CEP57: variants seen among roughly 807,000 people sequenced by gnomAD.
CEP57 encodes the protein centrosomal protein 57.
A neutral mutation model predicts 68.0 loss-of-function variants in CEP57; 40 were observed. That is an observed-to-expected ratio of 0.59 (90% CI 0.46 to 0.77). CEP57 has a LOEUF of 0.77. Ranked by LOEUF, CEP57 falls within the 30% of genes least tolerant of loss-of-function variation. CEP57 has a pLI of 0.00. For missense variants in CEP57, 606 were observed against 580.7 expected (o/e 1.04, Z -0.45); for synonymous variants, 219 against 198.7 (o/e 1.10, Z -0.86).
At chr11:95,825,751 A>G (rs1057109932) in intron 8 of CEP57, 1 of 151,938 alleles carries the variant, frequency 6.6e-6, no homozygotes, top group African/African-American at 2.4e-5. Flanking sequence ...ACGCGCCACC[A>G]TGCCTGGCTA....
chr11:95,827,076 A>G (rs1052867067), intron 8 of CEP57: 3 of 152,240 alleles, frequency 2.0e-5, no homozygotes, highest in Non-Finnish European at 1.5e-5. Context: ...ATGCTTTCTA[A>G]TAATATTTAT....
At position 95,812,915 on chromosome 11, in the gene CEP57, GTGTT is replaced by G. The variant is rs1404601753; in HGVS notation, c.203-13_203-10del. Reference sequence around the variant, plus strand: ...ATATGCTGTTACAGCATCCACGTTTGTGTTTGTATTTGGCAGCCATATTTTCTGC... The same window carrying G: ...ATATGCTGTTACAGCATCCACGTTTGTGTATTTGGCAGCCATATTTTCTGC... On this transcript the variant is annotated splice_polypyrimidine_tract_variant and intron_variant, in intron 2 of 10. Transcript: ENST00000325542. 6.2e-7 allele frequency: 1 copy of G among 1,612,416 alleles called. No homozygotes were observed. Among genetic ancestry groups the G allele is most frequent in the Non-Finnish European group, 8.5e-7 (1 of 1,178,910 alleles).
At chr11:95,792,405 G>C (rs1386459462) in intron 1 of CEP57, among the ~76,000 whole-genome samples, 2 of 152,174 alleles carry the variant, frequency 1.3e-5, no homozygotes, top group African/African-American at 4.8e-5. Flanking sequence ...TGAGGCGGGA[G>C]GATCACTGAG....
intron 8 of CEP57, among the ~76,000 whole-genome samples, chr11:95,824,808 A>G (rs1339126001): frequency 6.6e-6 from 1 of 152,216 alleles, no homozygotes; most frequent in Admixed American, 6.5e-5. Context: ...GCCCTTATCT[A>G]TAAAGCTGCT....
intron 3 of CEP57, 149 bp downstream of exon 3, chr11:95,813,260 T>C: frequency 9.8e-7 from 1 of 1,016,018 alleles, no homozygotes; most frequent in Non-Finnish European, 1.5e-6. Context: ...GAGGAGCAAA[T>C]GCTGTTGTCA....
At chr11:95,811,021 CTG>C (rs558261006) in intron 2 of CEP57, among the ~76,000 whole-genome samples, 13 of 152,298 alleles carry the variant, frequency 8.5e-5, no homozygotes, top group East Asian at 1.9e-4. Flanking sequence ...TTGTGGAAGA[CTG>C]TGGCGATTCC....
Position 95,831,249 on chromosome 11 carries a change from A to G in CEP57, c.1496A>G (p.Asp499Gly), listed in dbSNP as rs778341440. 6 of 1,609,522 alleles carry G rather than the reference A, an allele frequency of 3.7e-6. No individual in the cohort carries two copies. Among genetic ancestry groups the G allele is most frequent in the Non-Finnish European group, 5.1e-6 (6 of 1,176,084 alleles). The change falls in exon 11 of 11, where the codon GAT becomes GGT. Residue 499 changes from aspartate (D) to glycine (G), a missense_variant. Coordinates refer to ENST00000325542, the MANE Select transcript of CEP57 (RefSeq NM_014679.5). ...TTACAAAGCAGTAGTTTGTGTTGGGATTACTGACTCATAACCAGGTCAGAA... is the reference window on the plus strand; with the variant it reads ...TTACAAAGCAGTAGTTTGTGTTGGGGTTACTGACTCATAACCAGGTCAGAA... ...NSLQSSSLCW[D>G]Y
In CEP57 at chr11:95,799,404, GAAAT is replaced by G; in HGVS notation, c.202+21_202+24del. ...AACAGCAGAGGTAATCGAGCCTAACGAAATAAATGTTATTTGTGTTTTCTTGCTG... is the reference window on the plus strand; with the variant it reads ...AACAGCAGAGGTAATCGAGCCTAACGAAATGTTATTTGTGTTTTCTTGCTG... On this transcript the variant is annotated intron_variant, in intron 2 of 10. Coordinates refer to ENST00000325542, the MANE Select transcript of CEP57 (RefSeq NM_014679.5). 6.2e-7 allele frequency: 1 copy of G among 1,613,478 alleles called. No homozygotes were observed. The highest frequency in any genetic ancestry group is 8.5e-7 in the Non-Finnish European group (1 of 1,179,676).
At chr11:95,827,707 T>C in intron 8 of CEP57, 79 bp from the exon 9 acceptor site, 2 of 1,575,768 alleles carry the variant, frequency 1.3e-6, no homozygotes, top group Non-Finnish European at 1.7e-6. Context: ...GAGAGTTCTT[T>C]TTACCTAGGC....
rs1415410232 is a variant in CEP57 at position 95,832,135 on chromosome 11, A to G, written c.*879A>G. 3.3e-5 allele frequency: 5 copies of G among 152,162 alleles called. No individual in the cohort carries two copies. The highest frequency in any genetic ancestry group is 1.3e-4 in the Admixed American group (2 of 15,260). 9.4% of individuals were successfully genotyped at this position (152,162 alleles called of 1,614,324 possible). ...TATGAGTGGAATATAAACTGTACAC[A>G]TAATTATCATGTTGATATAAATCAT... On this transcript the variant is annotated 3_prime_UTR_variant, in exon 11 of 11. Coordinates refer to ENST00000325542, the MANE Select transcript of CEP57 (RefSeq NM_014679.5).
chr11:95,799,675 A>G (rs1332458379), intron 2 of CEP57, among the ~76,000 whole-genome samples: 1 of 152,148 alleles, frequency 6.6e-6, no homozygotes, highest in Non-Finnish European at 1.5e-5. Context: ...AAATATACCA[A>G]AAGCATACTG....
chr11:95,807,924 C>A (rs549928491), intron 2 of CEP57, among the ~76,000 whole-genome samples: 1 of 152,262 alleles, frequency 6.6e-6, no homozygotes, highest in South Asian at 2.1e-4. Context: ...TTGTCAGATT[C>A]ACCAAAGTTA....
intron 10 of CEP57, 49 bp downstream of exon 10, chr11:95,829,380 A>G: frequency 6.4e-7 from 1 of 1,564,276 alleles, no homozygotes; most frequent in Non-Finnish European, 8.8e-7. Flanking sequence ...AGAAAAAAAA[A>G]ACACTTTAAT....
chr11:95,821,714 G>A (rs981258002), intron 6 of CEP57, among the ~76,000 whole-genome samples, 157 bp from the exon 7 acceptor site: 5 of 152,114 alleles, frequency 3.3e-5, no homozygotes, highest in African/African-American at 1.2e-4. Context: ...TTTGACAAAC[G>A]TTGATAGATT....
At chr11:95,822,112 G>A in intron 7 of CEP57, 134 bp downstream of exon 7, 1 of 709,628 alleles carries the variant, frequency 1.4e-6, no homozygotes, top group East Asian at 2.7e-5. Context: ...CATTCAGAAG[G>A]TGGAGATAAG....
At chr11:95,826,808 A>G (rs952325165) in intron 8 of CEP57, 3 of 152,242 alleles carry the variant, frequency 2.0e-5, no homozygotes, top group Non-Finnish European at 4.4e-5. Context: ...TAGTGGTTAC[A>G]TCGATTGATT....
chr11:95,801,217 G>A (rs1020564364), intron 2 of CEP57, among the ~76,000 whole-genome samples: 2 of 152,086 alleles, frequency 1.3e-5, no homozygotes, highest in African/African-American at 2.4e-5. Flanking sequence ...GTGCTGAAAA[G>A]TGTTTACTGA....
At chr11:95,797,462 C>T (rs1348897440) in intron 1 of CEP57, among the ~76,000 whole-genome samples, 1 of 152,132 alleles carries the variant, frequency 6.6e-6, no homozygotes, top group East Asian at 1.9e-4. Context: ...GCCACCATGC[C>T]TGGCTGAAAT....
intron 9 of CEP57, 118 bp from the exon 10 acceptor site, chr11:95,829,067 CTG>C (rs1335952972): frequency 8.9e-6 from 9 of 1,011,170 alleles, no homozygotes; most frequent in Admixed American, 4.1e-5. Context: ...ATTTATTGCT[CTG>C]TTCAAAAAAT....
Sources: allele counts gnomAD v4.1 joint callset (sites outside exome capture counted in the v4.1 genomes callset), GRCh38; gene constraint gnomAD v4.1.1; transcripts MANE v1.5; gene names NCBI Gene and HGNC (gene_info 2026-07-23, HGNC 2026-07-21).